SKP2: variants seen among roughly 807,000 people sequenced by gnomAD.
The protein encoded by SKP2 is S-phase kinase associated protein 2, also known as S-phase kinase-associated protein 2.
A neutral mutation model predicts 51.8 loss-of-function variants in SKP2; 16 were observed. The ratio of observed to expected loss-of-function variants is 0.31; its 90% CI spans 0.21 to 0.47. The LOEUF (loss-of-function observed/expected upper bound fraction) is 0.47, where lower values mean the gene tolerates loss of function less well. Ranked by LOEUF, SKP2 falls within the 20% of genes least tolerant of loss-of-function variation. SKP2 has a pLI of 1.00. For missense variants in SKP2, 377 were observed against 505.3 expected, an observed-to-expected ratio of 0.75 and a Z score of 2.43; for synonymous variants, 176 against 198.6, an observed-to-expected ratio of 0.89 and a Z score of 0.96.
chr5:36,160,203 G>A (rs1745080272), intron 2 of SKP2, among the ~76,000 whole-genome samples: 1 of 152,214 alleles, frequency 6.6e-6, no homozygotes, highest in African/African-American at 2.4e-5. Flanking sequence ...TGCTTTCTCA[G>A]TCCAGTAGTC....
chr5:36,192,318 A>G (rs537083339), intron 6 of SKP2, among the ~76,000 whole-genome samples: 2 of 152,262 alleles, frequency 1.3e-5, no homozygotes, highest in South Asian at 4.1e-4. Context: ...CCCCACCATT[A>G]TATTTAGGTG....
downstream of SKP2, among the ~76,000 whole-genome samples, chr5:36,186,380 G>T (rs1579583114): frequency 6.6e-6 from 1 of 152,138 alleles, no homozygotes. Flanking sequence ...TATGATATTG[G>T]CTGTGGGTTT....
chr5:36,181,306 G>T (rs1270764595), intron 9 of SKP2, among the ~76,000 whole-genome samples: 1 of 152,124 alleles, frequency 6.6e-6, no homozygotes, highest in African/African-American at 2.4e-5. Flanking sequence ...TGGACTTGTT[G>T]ACTATGAACC....
At chr5:36,170,500 C>T (rs758643357) in intron 6 of SKP2, 58 bp downstream of exon 6, 3 of 1,041,616 alleles carry the variant, frequency 2.9e-6, no homozygotes, top group Non-Finnish European at 4.4e-6. Flanking sequence ...AATTATCCCT[C>T]ACATCTGTAT....
In SKP2 at chr5:36,152,880, G is replaced by A. The variant is rs1432464275; in HGVS notation, c.118G>A (p.Ala40Thr). ...SELLSGMGVS[A>T]LEKEEPDSEN... ...ACTGCTGTCAGGCATGGGGGTCTCC[G>A]CCCTGGAGAAAGAGGAGCCCGACAG... Residue 40 changes from alanine (A) to threonine (T), a missense_variant, in exon 2 of 10, where the codon GCC (alanine) becomes ACC (threonine). Coordinates refer to ENST00000274255, the MANE Select transcript of SKP2 (RefSeq NM_005983.4). The A allele has an allele frequency of 4.3e-6, 7 of 1,614,086 alleles. No homozygotes were observed. Among genetic ancestry groups the A allele is most frequent in the Non-Finnish European group, 5.1e-6 (6 of 1,180,022 alleles).
chr5:36,172,551 A>G (rs560772861), intron 7 of SKP2, among the ~76,000 whole-genome samples: 14 of 152,226 alleles, frequency 9.2e-5, no homozygotes, highest in African/African-American at 3.4e-4. Flanking sequence ...TAAACCAGCA[A>G]CACACATCAA....
chr5:36,182,350 AT>A lies in SKP2; in HGVS notation c.*321del, dbSNP rs550855943. ...TCCAAGTGCCCTTCTTACTAAGTCT[AT>A]TCAGAATCAAGCTTAAAAATTACCA... On this transcript the variant is annotated 3_prime_UTR_variant, in exon 10 of 10. Transcript: ENST00000274255. 664 of 1,073,600 alleles carry A rather than the reference AT, an allele frequency of 6.2e-4. 4 individuals carry two copies. In the African/African-American group the frequency reaches 1.0e-2, roughly 16 times the overall value. 66.5% of individuals were successfully genotyped at this position (1,073,600 alleles called of 1,614,324 possible). A position where few individuals can be genotyped will look rare whatever the true frequency, so the allele number is the denominator to read the frequency against.
chr5:36,181,778 T>TA, intron 9 of SKP2, 40 bp from the exon 10 acceptor site: 1 of 1,609,706 alleles, frequency 6.2e-7, no homozygotes, highest in Non-Finnish European at 8.5e-7. Flanking sequence ...ACAGTTTCCA[T>TA]AGATACTGCT....
chr5:36,183,902 A>G lies in SKP2; in HGVS notation c.*1871A>G, dbSNP rs752077655. On this transcript the variant is annotated 3_prime_UTR_variant, in exon 10 of 10. Coordinates refer to ENST00000274255, the MANE Select transcript of SKP2 (RefSeq NM_005983.4). ...TCTGACATCGGATGCCCTCAAACAT[A>G]CAGAACTTCCAAACTCAAGTCCAGC... The G allele has an allele frequency of 3.1e-6, 5 of 1,611,404 alleles. No homozygotes were observed. In the South Asian group the frequency reaches 4.4e-5, roughly 14 times the overall value.
intron 1 of SKP2, 50 bp downstream of exon 1, chr5:36,152,320 A>C (rs1421733273): frequency 2.6e-6 from 4 of 1,557,508 alleles, no homozygotes; most frequent in East Asian, 4.5e-5. Flanking sequence ...CCTCTTAATA[A>C]TTCTTTTAGG....
downstream of SKP2, among the ~76,000 whole-genome samples, chr5:36,188,309 A>G (rs554815221): frequency 1.3e-5 from 2 of 152,298 alleles, no homozygotes; most frequent in Admixed American, 1.3e-4. Flanking sequence ...TAGTTGATGC[A>G]GTTTCTTTCT....
chr5:36,177,913 C>T lies in SKP2; in HGVS notation c.1061+621C>T, dbSNP rs1268857569. On this transcript the variant is annotated intron_variant, in intron 9 of 9. Transcript: ENST00000274255. ...AAATCCTAGGTCTCCTGGACAGAGG[C>T]AAAATAGTCACTATCTAATCTAATA... Among the ~76,000 whole-genome samples, 3 of 152,128 alleles carry T rather than the reference C, an allele frequency of 2.0e-5. No homozygotes were observed. In the East Asian group the frequency reaches 5.8e-4, roughly 29 times the overall value.
Position 36,184,161 on chromosome 5 carries a change from C to G in SKP2, c.*2130C>G, listed in dbSNP as rs1350121982. 2 of 478,694 alleles carry G rather than the reference C, an allele frequency of 4.2e-6. No homozygotes were observed. The highest frequency in any genetic ancestry group is 7.3e-6 in the Non-Finnish European group (2 of 274,136). The allele number at this position is 478,694 out of a possible 1,614,324, so 29.7% of individuals were successfully genotyped here. Reference sequence around the variant, plus strand: ...CTAAATAAGACTCTTCAAAACAGAGCCCTGAGATGGTCCTTTTTGACCCAT... The same window carrying G: ...CTAAATAAGACTCTTCAAAACAGAGGCCTGAGATGGTCCTTTTTGACCCAT... On this transcript the variant is annotated 3_prime_UTR_variant, in exon 10 of 10. Transcript: ENST00000274255.
In SKP2 at chr5:36,153,213, G is replaced by GATATATAT. The variant is rs3038049; in HGVS notation, c.280+194_280+201dup. On this transcript the variant is annotated intron_variant, in intron 2 of 9. Transcript: ENST00000274255. ...CGTCAAGTATGCAGGAATCTTGGTAGATATATATATATATATATATATATA... is the reference window on the plus strand; with the variant it reads ...CGTCAAGTATGCAGGAATCTTGGTAGATATATATATATATATATATATATATATATATA... Among the ~76,000 whole-genome samples the GATATATAT allele has an allele frequency of 5.0e-3, 744 of 147,494 alleles. 3 individuals carry two copies. The highest frequency in any genetic ancestry group is 0.014 in the Middle Eastern group (4 of 288).
chr5:36,152,637 C>A, intron 1 of SKP2, 134 bp from the exon 2 acceptor site: 4 of 882,110 alleles, frequency 4.5e-6, no homozygotes, highest in Non-Finnish European at 7.0e-6. Context: ...TCGCCGCAGG[C>A]ACATAAAAAA....
chr5:36,173,409 A>G (rs1322310127), intron 7 of SKP2, among the ~76,000 whole-genome samples: 1 of 152,168 alleles, frequency 6.6e-6, no homozygotes, highest in Non-Finnish European at 1.5e-5. Flanking sequence ...TAAACTCTTC[A>G]CCCACGAGCA....
intron 9 of SKP2, among the ~76,000 whole-genome samples, chr5:36,177,945 A>G (rs887972493): frequency 1.3e-5 from 2 of 152,148 alleles, no homozygotes; most frequent in African/African-American, 4.8e-5. Flanking sequence ...AATAGTTTAT[A>G]CAAGGGTTAG....
chr5:36,163,597 G>C (rs1402726371), intron 2 of SKP2, 48 bp from the exon 3 acceptor site: 2 of 1,155,020 alleles, frequency 1.7e-6, no homozygotes, highest in Admixed American at 3.4e-5. Flanking sequence ...CAGTAGACTT[G>C]ATAGGGTGAA....
chr5:36,183,024 A>G lies in SKP2; in HGVS notation c.*993A>G, dbSNP rs1008684157. 4 of 953,512 alleles carry G rather than the reference A, an allele frequency of 4.2e-6. No individual in the cohort carries two copies. The African/African-American group carries it at 7.1e-5, about 17-fold the overall frequency. 59.1% of individuals were successfully genotyped at this position (953,512 alleles called of 1,614,324 possible). On this transcript the variant is annotated 3_prime_UTR_variant, in exon 10 of 10. Transcript: ENST00000274255. ...TTTTTTTAAATGATCTCTCAGCAAT[A>G]ATTGTTTGAAACTATCCATATATAA...
Sources: gnomAD v4.1 joint callset for allele counts (sites outside exome capture counted in the v4.1 genomes callset) on GRCh38, gnomAD v4.1.1 for gene constraint, MANE v1.5 for transcripts, NCBI Gene and HGNC (gene_info 2026-07-23, HGNC 2026-07-21) for gene names.